ADAM18: variants seen among roughly 807,000 people sequenced by gnomAD.
The protein encoded by ADAM18 is disintegrin and metalloproteinase domain-containing protein 18.
ADAM18 carries 117 observed loss-of-function variants against 94.4 expected under a neutral mutation model. The observed-to-expected ratio is 1.24, with a 90% CI of 1.07 to 1.45. The LOEUF (loss-of-function observed/expected upper bound fraction) is 1.45, where lower values mean the gene tolerates loss of function less well. ADAM18 is among the 40% of genes most tolerant of loss of function. The pLI is 0.00. For missense variants in ADAM18, 936 were observed against 880.0 expected (o/e 1.06, Z -0.81); for synonymous variants, 327 against 291.6 (o/e 1.12, Z -1.24).
At chr8:39,718,688 A>T (rs1247551288) in intron 18 of ADAM18, among the ~76,000 whole-genome samples, 1 of 150,454 alleles carries the variant, frequency 6.6e-6, no homozygotes, top group Admixed American at 6.7e-5. Flanking sequence ...AACAATCTAG[A>T]TCTCTCGTTA....
chr8:39,650,498 C>G (rs1820501614), intron 12 of ADAM18, among the ~76,000 whole-genome samples: 1 of 152,040 alleles, frequency 6.6e-6, no homozygotes, highest in Admixed American at 6.5e-5. Flanking sequence ...ACACTAACAA[C>G]AAACTGTATG....
At chr8:39,618,840 C>T (rs7819811) in intron 6 of ADAM18, among the ~76,000 whole-genome samples, 4,464 of 152,238 alleles carry the variant, frequency 0.029, 230 homozygotes, top group African/African-American at 0.1. Context: ...CCTGACTGCA[C>T]GTTCATTCAT....
intron 19 of ADAM18, among the ~76,000 whole-genome samples, chr8:39,725,660 C>T (rs1050814847): frequency 1.3e-5 from 2 of 152,144 alleles, no homozygotes; most frequent in African/African-American, 2.4e-5. Context: ...TACATCTATT[C>T]ATGAGATAAC....
chr8:39,589,856 A>G lies in ADAM18; in HGVS notation c.132+4504A>G, dbSNP rs201725317. On this transcript the variant is annotated intron_variant, in intron 2 of 19. Coordinates refer to ENST00000265707, the MANE Select transcript of ADAM18 (RefSeq NM_014237.3). Reference sequence around the variant, plus strand: ...AAAATGCTCATCATCACTGGCCATCAGAGAAATGCAAATCAAAACCACAAT... The same window carrying G: ...AAAATGCTCATCATCACTGGCCATCGGAGAAATGCAAATCAAAACCACAAT... 5.9e-5 allele frequency among the ~76,000 whole-genome samples: 9 copies of G among 152,160 alleles called. No individual in the cohort carries two copies. The East Asian group carries it at 1.7e-3, about 29-fold the overall frequency.
In ADAM18 at chr8:39,699,047, A is replaced by G. The variant is rs192808635; in HGVS notation, c.1902+6367A>G. Among the ~76,000 whole-genome samples the G allele has an allele frequency of 7.2e-5, 11 of 152,180 alleles. No individual in the cohort carries two copies. In the East Asian group the frequency reaches 2.1e-3, roughly 29 times the overall value. ...ACTTTCCAACCCCTGCATTTCAAGA[A>G]AATGATAATAATTCTGTTGTTTATT... On this transcript the variant is annotated intron_variant, in intron 17 of 19. Coordinates refer to ENST00000265707, the MANE Select transcript of ADAM18 (RefSeq NM_014237.3).
intron 10 of ADAM18, among the ~76,000 whole-genome samples, chr8:39,644,968 A>G (rs993637167): frequency 6.6e-6 from 1 of 152,198 alleles, no homozygotes; most frequent in Admixed American, 6.6e-5. Flanking sequence ...ATGCCACTGT[A>G]TTCCTACCAT....
Position 39,657,496 on chromosome 8 carries a change from G to T in ADAM18, c.1231-6299G>T, listed in dbSNP as rs913730967. 4.0e-5 allele frequency among the ~76,000 whole-genome samples: 6 copies of T among 151,884 alleles called. No homozygotes were observed. The South Asian group carries it at 1.2e-3, about 31-fold the overall frequency. The stretch of plus-strand genomic sequence containing the variant: ...CTGGCTAGTTTTTTCTTTTATTTTT[G>T]GTACAGATGAGATTTTGCTATGTTG... On this transcript the variant is annotated intron_variant, in intron 12 of 19. Transcript: ENST00000265707.
chr8:39,649,422 T>C (rs1363553862), intron 12 of ADAM18, among the ~76,000 whole-genome samples: 1 of 152,138 alleles, frequency 6.6e-6, no homozygotes, highest in Non-Finnish European at 1.5e-5. Context: ...TATTTTCCCA[T>C]GCTGTCTTAG....
intron 17 of ADAM18, among the ~76,000 whole-genome samples, chr8:39,699,153 G>C (rs1031701552): frequency 1.3e-5 from 2 of 151,994 alleles, no homozygotes; most frequent in African/African-American, 4.8e-5. Context: ...GGGCCTCTTT[G>C]AAAAGAGGAC....
rs71237188 is a variant in ADAM18 at position 39,701,117 on chromosome 8, C to CAAAAAAAA, written c.1903-5648_1903-5641dup. 4.5e-3 allele frequency among the ~76,000 whole-genome samples: 154 copies of CAAAAAAAA among 34,562 alleles called. 23 individuals carry two copies. Among genetic ancestry groups the CAAAAAAAA allele is most frequent in the Admixed American group, 5.2e-3 (9 of 1,728 alleles). 22.7% of individuals were successfully genotyped at this position (34,562 alleles called of 152,430 possible). ...TGGGCGACAGAGCAAGACTCTGTCT[C>CAAAAAAAA]AAAAAAAAAAAAAAAAAAAAAAAAA... On this transcript the variant is annotated intron_variant, in intron 17 of 19. Coordinates refer to ENST00000265707, the MANE Select transcript of ADAM18 (RefSeq NM_014237.3).
At chr8:39,585,051 A>T (rs1818357746) in intron 1 of ADAM18, among the ~76,000 whole-genome samples, 1 of 152,122 alleles carries the variant, frequency 6.6e-6, no homozygotes, top group Non-Finnish European at 1.5e-5. Context: ...GGGCCTGTAG[A>T]ACTGCAATGT....
chr8:39,650,611 A>T (rs1023937216), intron 12 of ADAM18, among the ~76,000 whole-genome samples: 1 of 152,242 alleles, frequency 6.6e-6, no homozygotes, highest in African/African-American at 2.4e-5. Context: ...ACTGAAAACT[A>T]TAAAGCATTG....
At chr8:39,680,360 T>C in intron 16 of ADAM18, 134 bp downstream of exon 16, 1 of 879,508 alleles carries the variant, frequency 1.1e-6, no homozygotes, top group Non-Finnish European at 1.7e-6. Flanking sequence ...CATGTGATAT[T>C]TAAATGATAA....
rs765817072 is a variant in ADAM18, at chr8:39,648,329, ATTATT to A, written c.1047-6_1047-2del. ...AGCCAGGCTTATTTGCCTGAGGAAT[ATTATT>A]TTATTTTAGGAGTGCCAGTGGTAGA... On this transcript the variant is annotated splice_polypyrimidine_tract_variant and intron_variant, in intron 11 of 19. Coordinates refer to ENST00000265707, the MANE Select transcript of ADAM18 (RefSeq NM_014237.3). 27 of 1,568,652 alleles carry A rather than the reference ATTATT, an allele frequency of 1.7e-5. No homozygotes were observed. In the East Asian group the frequency reaches 6.1e-4, roughly 36 times the overall value.
chr8:39,655,991 A>G (rs1460511870), intron 12 of ADAM18, among the ~76,000 whole-genome samples: 1 of 152,090 alleles, frequency 6.6e-6, no homozygotes, highest in Non-Finnish European at 1.5e-5. Context: ...TAATCAATGC[A>G]AGGATATGTC....
intron 17 of ADAM18, among the ~76,000 whole-genome samples, chr8:39,697,941 A>G (rs148016798): frequency 1.8e-4 from 28 of 151,924 alleles, no homozygotes; most frequent in African/African-American, 6.7e-4. Flanking sequence ...TCATACTCGT[A>G]ACTTACAGAG....
At chr8:39,681,285 C>T (rs573060517) in intron 16 of ADAM18, among the ~76,000 whole-genome samples, 5 of 152,254 alleles carry the variant, frequency 3.3e-5, no homozygotes, top group Admixed American at 2.6e-4. Context: ...CTGAGGCCCT[C>T]AGTTCAACAG....
chr8:39,591,447 C>G (rs13269541), intron 2 of ADAM18, among the ~76,000 whole-genome samples: 1 of 151,984 alleles, frequency 6.6e-6, no homozygotes, highest in South Asian at 2.1e-4. Flanking sequence ...TAACAGTATT[C>G]ACAGCATCTT....
rs1258342611 is a variant in ADAM18, at chr8:39,606,549, T to C, written c.188+187T>C. Among the ~76,000 whole-genome samples the C allele has an allele frequency of 2.0e-5, 3 of 152,356 alleles. No homozygotes were observed. The East Asian group carries it at 5.8e-4, about 29-fold the overall frequency. On this transcript the variant is annotated intron_variant, in intron 3 of 19. Transcript: ENST00000265707. ...TCAGATCTATAGAGCTCTTTCATTTTAATTTTCGCTTGATATTTTCAAATT... is the reference window on the plus strand; with the variant it reads ...TCAGATCTATAGAGCTCTTTCATTTCAATTTTCGCTTGATATTTTCAAATT...
Sources: gnomAD v4.1 joint callset for allele counts (sites outside exome capture counted in the v4.1 genomes callset) on GRCh38, gnomAD v4.1.1 for gene constraint, MANE v1.5 for transcripts, NCBI Gene and HGNC (gene_info 2026-07-23, HGNC 2026-07-21) for gene names.